Variants in NAP1L3 observed in about 807,000 individuals in gnomAD.
NAP1L3 encodes the protein nucleosome assembly protein 1 like 3.
For synonymous variants in NAP1L3, 127 were observed against 131.9 expected (o/e 0.96, Z 0.25); for missense variants, 378 against 369.9 (o/e 1.02, Z -0.18).
Position 93,672,142 on chromosome X carries a change from G to A in NAP1L3, c.1163C>T (p.Pro388Leu), listed in dbSNP as rs1360434363. 3.3e-6 allele frequency: 4 copies of A among 1,211,035 alleles called. No individual in the cohort carries two copies. Among genetic ancestry groups the A allele is most frequent in the Non-Finnish European group, 4.5e-6 (4 of 895,242 alleles). ...IIKAKPDHND[P>L]FFSWGWEIED... is the part of the protein sequence containing the mutation. ...AATTTCCCATCCCCAAGAAAAGAAG[G>A]GATCATTGTGATCTGGTTTTGCCTT... Residue 388 changes from proline to leucine, a missense_variant, in exon 1 of 1, where the codon CCC becomes CTC. Pro to Leu is a moderately conservative substitution (Grantham distance 98). Transcript: ENST00000373079.
Position 93,672,150 on chromosome X carries a change from G to C in NAP1L3, c.1155C>G (p.His385Gln). ...KTYIIKAKPD[H>Q]NDPFFSWGWE... Reference sequence around the variant, plus strand: ...ATCCCCAAGAAAAGAAGGGATCATTGTGATCTGGTTTTGCCTTTATTATAT... The same window carrying C: ...ATCCCCAAGAAAAGAAGGGATCATTCTGATCTGGTTTTGCCTTTATTATAT... The change falls in exon 1 of 1, where the codon CAC becomes CAG. Residue 385 changes from histidine (H) to glutamine (Q), a missense_variant. His to Gln is a conservative substitution (Grantham distance 24, BLOSUM62 0). Coordinates refer to ENST00000373079, the MANE Select transcript of NAP1L3 (RefSeq NM_004538.6). 8.3e-7 allele frequency: 1 copy of C among 1,211,402 alleles called. No homozygotes were observed. Among genetic ancestry groups the C allele is most frequent in the Non-Finnish European group, 1.1e-6 (1 of 895,339 alleles).
Position 93,673,100 on chromosome X carries a change from T to C in NAP1L3, c.205A>G (p.Ser69Gly), listed in dbSNP as rs775226866. 8.3e-6 allele frequency: 10 copies of C among 1,205,262 alleles called. No individual in the cohort carries two copies. Among genetic ancestry groups the C allele is most frequent in the Middle Eastern group, 4.6e-4 (2 of 4,314 alleles). The change falls in exon 1 of 1, where the codon AGC (serine) becomes GGC (glycine). Residue 69 changes from serine to glycine, a missense_variant. By Grantham distance (56) the Ser-to-Gly change is moderately conservative. Coordinates refer to ENST00000373079, the MANE Select transcript of NAP1L3 (RefSeq NM_004538.6). Reference protein sequence around the residue: ...GSSSSSSGSTSSRSRLYRKKR... With the variant: ...GSSSSSSGSTGSRSRLYRKKR... ...TTTCTATACAAGCGGCTGCGGCTGCTAGTGCTGCCGCTGCTGCTGCTGCTG... is the reference window on the plus strand; with the variant it reads ...TTTCTATACAAGCGGCTGCGGCTGCCAGTGCTGCCGCTGCTGCTGCTGCTG...
chrX:93,672,032 C>A lies in NAP1L3; in HGVS notation c.1273G>T (p.Gly425Ter). The change falls in exon 1 of 1, where the codon GGA (glycine) becomes TGA (stop). Residue 425 changes from glycine to a stop codon, truncating the protein, a stop_gained. Coordinates refer to ENST00000373079, the MANE Select transcript of NAP1L3 (RefSeq NM_004538.6). LOFTEE classifies it low-confidence loss of function (END_TRUNC). ...TTTQSRTTAT[G>*]EIEIQPRVVP... is the part of the protein sequence containing the mutation. ...ACTCTTGGCTGGATTTCAATTTCTC[C>A]AGTAGCAGTTGTGCGACTCTGGGTA... 1 of 1,198,753 alleles carries A rather than the reference C, an allele frequency of 8.3e-7. No homozygotes were observed. The highest frequency in any genetic ancestry group is 1.7e-5 in the African/African-American group (1 of 57,489).
Position 93,671,542 on chromosome X carries a change from A to C in NAP1L3, c.*242T>G, listed in dbSNP as rs1924357043. The C allele has an allele frequency of 2.9e-6, 1 of 348,211 alleles. No individual in the cohort carries two copies. The highest frequency in any genetic ancestry group is 1.0e-4 in the South Asian group (1 of 9,907). 28.7% of individuals were successfully genotyped at this position (348,211 alleles called of 1,213,427 possible). On this transcript the variant is annotated 3_prime_UTR_variant, in exon 1 of 1. Transcript: ENST00000373079. ...GCACCAAACTAACATGCTTTAGATA[A>C]TTGACAACAGCTTACATATTTTGAA... is the stretch of plus-strand genomic sequence containing the variant.
Position 93,672,017 on chromosome X carries a change from G to A in NAP1L3, c.1288C>T (p.Gln430Ter). Residue 430 changes from glutamine (Q) to a stop codon, truncating the protein, a stop_gained, in exon 1 of 1, where the codon CAG becomes TAG. Coordinates refer to ENST00000373079, the MANE Select transcript of NAP1L3 (RefSeq NM_004538.6). LOFTEE classifies it low-confidence loss of function (END_TRUNC). ...RTTATGEIEI[Q>*]PRVVPNASFF... ...GATGCATTAGGAACCACTCTTGGCT[G>A]GATTTCAATTTCTCCAGTAGCAGTT... 1 of 1,200,528 alleles carries A rather than the reference G, an allele frequency of 8.3e-7. No individual in the cohort carries two copies. Among genetic ancestry groups the A allele is most frequent in the African/African-American group, 1.7e-5 (1 of 57,510 alleles).
At position 93,673,136 on chromosome X, in the gene NAP1L3, C is replaced by CGCTGCT. The variant is rs769918522; in HGVS notation, c.163_168dup (p.Ser55_Ser56dup). 70 of 1,194,152 alleles carry CGCTGCT rather than the reference C, an allele frequency of 5.9e-5. 1 individual carries two copies. The South Asian group carries it at 1.1e-3, about 19-fold the overall frequency. On this transcript the variant is annotated inframe_insertion, in exon 1 of 1. Transcript: ENST00000373079. Reference sequence around the variant, plus strand: ...CTGCTGCTGCTGCTGCTGCCGCTGCCGCTGCTGCTGCCACTAGTGCTGCTG... The same window carrying CGCTGCT: ...CTGCTGCTGCTGCTGCTGCCGCTGCCGCTGCTGCTGCTGCTGCCACTAGTGCTGCTG...
rs779757875 is a variant in NAP1L3, at chrX:93,671,787, T to C, written c.1518A>G (p.Lys506=). The C allele has an allele frequency of 2.4e-5, 29 of 1,184,467 alleles. No homozygotes were observed. The highest frequency in any genetic ancestry group is 3.2e-5 in the Non-Finnish European group (28 of 882,969). ...TTGAAAAATCTTTCAGATTGACTTATTTTCTGTATTTCTTGTTTCCATAAT... is the reference window on the plus strand; with the variant it reads ...TTGAAAAATCTTTCAGATTGACTTACTTTCTGTATTTCTTGTTTCCATAAT... ...GKHYGNKKYR[K] is the part of the protein sequence containing the mutation. Residue 506 remains lysine, a synonymous_variant, in exon 1 of 1, where the codon AAA becomes AAG. Coordinates refer to ENST00000373079, the MANE Select transcript of NAP1L3 (RefSeq NM_004538.6).
Position 93,672,833 on chromosome X carries a change from T to C in NAP1L3, c.472A>G (p.Thr158Ala), listed in dbSNP as rs146182746. The change falls in exon 1 of 1, where the codon ACA (threonine) becomes GCA (alanine). Residue 158 changes from threonine (T) to alanine (A), a missense_variant. Coordinates refer to ENST00000373079, the MANE Select transcript of NAP1L3 (RefSeq NM_004538.6). ...FQIINAEYEP[T>A]EEECEWNSED... ...GAATTCCATTCACATTCTTCTTCTG[T>C]AGGCTCGTATTCTGCATTGATGATT... 73 of 1,209,879 alleles carry C rather than the reference T, an allele frequency of 6.0e-5. No individual in the cohort carries two copies. In the African/African-American group the frequency reaches 1.2e-3, roughly 19 times the overall value.
Position 93,672,354 on chromosome X carries a change from A to C in NAP1L3, c.951T>G (p.Ile317Met), listed in dbSNP as rs1248395086. The C allele has an allele frequency of 3.3e-6, 4 of 1,211,417 alleles. No homozygotes were observed. Among genetic ancestry groups the C allele is most frequent in the African/African-American group, 3.5e-5 (2 of 57,650 alleles). Residue 317 changes from isoleucine to methionine, a missense_variant, in exon 1 of 1, where the codon ATT becomes ATG. Transcript: ENST00000373079. ...CGAGCTTGTCAACATTCTTTAAAAC[A>C]ATCAGCCAATAGTCAGGAATGCCTT... ...DPKGIPDYWLIVLKNVDKLGP... is the reference protein window; with the variant it reads ...DPKGIPDYWLMVLKNVDKLGP...
At position 93,673,172 on chromosome X, in the gene NAP1L3, T is replaced by C; in HGVS notation, c.133A>G (p.Ser45Gly). The C allele has an allele frequency of 8.3e-7, 1 of 1,209,295 alleles. No homozygotes were observed. The highest frequency in any genetic ancestry group is 1.7e-5 in the African/African-American group (1 of 57,178). The change falls in exon 1 of 1, where the codon AGC becomes GGC. Residue 45 changes from serine (S) to glycine (G), a missense_variant. By Grantham distance (56) the Ser-to-Gly change is moderately conservative (BLOSUM62 0). Transcript: ENST00000373079. ...SSSSSSSTSD[S>G]SSSSSTSGSS... ...CCACTAGTGCTGCTGCTGCTGCTGCTGTCACTAGTGCTGCTGCTAGAGCTA... is the reference window on the plus strand; with the variant it reads ...CCACTAGTGCTGCTGCTGCTGCTGCCGTCACTAGTGCTGCTGCTAGAGCTA...
At position 93,672,385 on chromosome X, in the gene NAP1L3, T is replaced by A. The variant is rs201849067; in HGVS notation, c.920A>T (p.Asp307Val). Residue 307 changes from aspartate (D) to valine (V), a missense_variant, in exon 1 of 1, where the codon GAC becomes GTC. Transcript: ENST00000373079. ...CCAATAGTCAGGAATGCCTTTAGGGTCTTCTCTTTTAGGCTTTCCCTTCCT... is the reference window on the plus strand; with the variant it reads ...CCAATAGTCAGGAATGCCTTTAGGGACTTCTCTTTTAGGCTTTCCCTTCCT... Reference protein sequence around the residue: ...RARKGKPKREDPKGIPDYWLI... With the variant: ...RARKGKPKREVPKGIPDYWLI... The A allele has an allele frequency of 1.0e-4, 122 of 1,208,541 alleles. No individual in the cohort carries two copies. In the Admixed American group the frequency reaches 2.6e-3, roughly 26 times the overall value.
In NAP1L3 at chrX:93,671,972, G is replaced by A; in HGVS notation, c.1333C>T (p.Pro445Ser). The A allele has an allele frequency of 5.0e-6, 6 of 1,207,797 alleles. No homozygotes were observed. Among genetic ancestry groups the A allele is most frequent in the Non-Finnish European group, 6.7e-6 (6 of 893,364 alleles). Residue 445 changes from proline to serine, a missense_variant, in exon 1 of 1, where the codon CCT (proline) becomes TCT (serine). By Grantham distance (74) the Pro-to-Ser change is moderately conservative. Coordinates refer to ENST00000373079, the MANE Select transcript of NAP1L3 (RefSeq NM_004538.6). ...PNASFFNFFS[P>S]PEIPMIGKLE... ...TTCCCAATCATAGGAATCTCAGGAGGACTAAAGAAGTTGAAGAATGATGCA... is the reference window on the plus strand; with the variant it reads ...TTCCCAATCATAGGAATCTCAGGAGAACTAAAGAAGTTGAAGAATGATGCA...
rs1440114004 is a variant in NAP1L3, at chrX:93,672,106, T to G, written c.1199A>C (p.Lys400Thr). The change falls in exon 1 of 1, where the codon AAA becomes ACA. Residue 400 changes from lysine (K) to threonine (T), a missense_variant. Lys to Thr is a moderately conservative substitution (Grantham distance 78). Coordinates refer to ENST00000373079, the MANE Select transcript of NAP1L3 (RefSeq NM_004538.6). The part of the protein sequence containing the change: ...FSWGWEIEDC[K>T]GCKIDWRRGK... ...TCTTCTCCAGTCTATCTTGCAGCCT[T>G]TGCAATCTTCAATTTCCCATCCCCA... 8.3e-7 allele frequency: 1 copy of G among 1,210,047 alleles called. No homozygotes were observed. Among genetic ancestry groups the G allele is most frequent in the South Asian group, 1.8e-5 (1 of 56,701 alleles).
chrX:93,672,282 C>A lies in NAP1L3; in HGVS notation c.1023G>T (p.Ser341=). Residue 341 remains serine (S), a synonymous_variant, in exon 1 of 1, where the codon TCG becomes TCT. Coordinates refer to ENST00000373079, the MANE Select transcript of NAP1L3 (RefSeq NM_004538.6). The part of the protein sequence containing the change: ...KYDEPILKFL[S]DVSLKFSKPG... Reference sequence around the variant, plus strand: ...GTTTTGAGAACTTCAGGCTAACATCCGACAAGAACTTCAGAATGGGCTCAT... The same window carrying A: ...GTTTTGAGAACTTCAGGCTAACATCAGACAAGAACTTCAGAATGGGCTCAT... 8.3e-7 allele frequency: 1 copy of A among 1,211,654 alleles called. No homozygotes were observed. The highest frequency in any genetic ancestry group is 1.1e-6 in the Non-Finnish European group (1 of 895,499).
chrX:93,672,704 C>G lies in NAP1L3; in HGVS notation c.601G>C (p.Glu201Gln), dbSNP rs770214437. Residue 201 changes from glutamate to glutamine, a missense_variant, in exon 1 of 1, where the codon GAG becomes CAG. Glu to Gln is a conservative substitution (Grantham distance 29). Transcript: ENST00000373079. ...ACTTCCTTCTCTTCAGCTTTCACCT[C>G]TGGGTTTTCTTTAGGGTTTTCTTCT... is the stretch of plus-strand genomic sequence containing the variant. ...EEEENPKENP[E>Q]VKAEEKEVPK... 1 of 1,211,092 alleles carries G rather than the reference C, an allele frequency of 8.3e-7. No homozygotes were observed. The highest frequency in any genetic ancestry group is 1.1e-6 in the Non-Finnish European group (1 of 895,471).
Position 93,673,401 on chromosome X carries a change from C to A in NAP1L3, c.-97G>T. 1 of 1,111,797 alleles carries A rather than the reference C, an allele frequency of 9.0e-7. No homozygotes were observed. The highest frequency in any genetic ancestry group is 1.2e-6 in the Non-Finnish European group (1 of 844,517). 91.6% of individuals were successfully genotyped at this position (1,111,797 alleles called of 1,213,427 possible). On this transcript the variant is annotated 5_prime_UTR_variant, in exon 1 of 1. Transcript: ENST00000373079. ...TGAGTGGCGGCGGCGGAGGCCCGGGCTGCGGAGGTGGCAGCGGCGATGGCA... is the reference window on the plus strand; with the variant it reads ...TGAGTGGCGGCGGCGGAGGCCCGGGATGCGGAGGTGGCAGCGGCGATGGCA...
rs1924351222 is a variant in NAP1L3 at position 93,671,330 on chromosome X, G to A, written c.*454C>T. The A allele has an allele frequency of 2.6e-5, 3 of 113,598 alleles. No individual in the cohort carries two copies. Among genetic ancestry groups the A allele is most frequent in the Admixed American group, 1.9e-4 (2 of 10,584 alleles). The allele number at this position is 113,598 out of a possible 1,213,427, so 9.4% of individuals were successfully genotyped here. A position where few individuals can be genotyped will look rare whatever the true frequency, so the allele number is the denominator to read the frequency against. On this transcript the variant is annotated 3_prime_UTR_variant, in exon 1 of 1. Coordinates refer to ENST00000373079, the MANE Select transcript of NAP1L3 (RefSeq NM_004538.6). ...TAGCAAACTAATGAAGGCACAGCTA[G>A]TGCAAGCAGATTTAAACCCTTAGTC...
rs952888475 is a variant in NAP1L3, at chrX:93,671,998, T to C, written c.1307A>G (p.Asn436Ser). The part of the protein sequence containing the change: ...EIEIQPRVVP[N>S]ASFFNFFSPP... ...ACTAAAGAAGTTGAAGAATGATGCA[T>C]TAGGAACCACTCTTGGCTGGATTTC... The change falls in exon 1 of 1, where the codon AAT becomes AGT. Residue 436 changes from asparagine (N) to serine (S), a missense_variant. Physicochemically the swap from Asn to Ser is conservative, Grantham distance 46. Coordinates refer to ENST00000373079, the MANE Select transcript of NAP1L3 (RefSeq NM_004538.6). 3.3e-6 allele frequency: 4 copies of C among 1,204,548 alleles called. No individual in the cohort carries two copies. In the South Asian group the frequency reaches 7.2e-5, roughly 22 times the overall value.
Position 93,673,158 on chromosome X carries a change from G to T in NAP1L3, c.147C>A (p.Ser49Arg). The stretch of plus-strand genomic sequence containing the variant: ...TGCCGCTGCTGCTGCCACTAGTGCT[G>T]CTGCTGCTGCTGCTGTCACTAGTGC... ...SSSTSDSSSS[S>R]STSGSSSGSG... Residue 49 changes from serine to arginine, a missense_variant, in exon 1 of 1, where the codon AGC (serine) becomes AGA (arginine). Physicochemically the swap from Ser to Arg is moderately radical, Grantham distance 110 (BLOSUM62 -1). Transcript: ENST00000373079. The T allele has an allele frequency of 8.3e-7, 1 of 1,209,639 alleles. No individual in the cohort carries two copies. The highest frequency in any genetic ancestry group is 1.1e-6 in the Non-Finnish European group (1 of 894,624).
Sources: gnomAD v4.1 joint callset for allele counts on GRCh38, gnomAD v4.1.1 for gene constraint, MANE v1.5 for transcripts, NCBI Gene and HGNC (gene_info 2026-07-23, HGNC 2026-07-21) for gene names.